APP: variants seen among roughly 807,000 people sequenced by gnomAD.
APP encodes the protein amyloid-beta precursor protein.
Under a neutral mutation model 101.4 loss-of-function variants are expected in APP, and 31 were observed. The ratio of observed to expected loss-of-function variants is 0.31; its 90% CI spans 0.23 to 0.41. APP has a LOEUF of 0.41. Among genes scored for constraint, APP ranks in the 10% least tolerant of loss-of-function variants. The pLI is 1.00. For synonymous variants in APP, 366 were observed against 364.4 expected (o/e 1.00, Z -0.05); for missense variants, 839 against 1,003.7 (o/e 0.84, Z 2.22).
At chr21:25,935,658 A>G (rs1449363189) in intron 13 of APP, among the ~76,000 whole-genome samples, 1 of 151,772 alleles carries the variant, frequency 6.6e-6, no homozygotes, top group Non-Finnish European at 1.5e-5. Flanking sequence ...CGATCAACAT[A>G]CTGAAACCCC....
intron 13 of APP, among the ~76,000 whole-genome samples, chr21:25,952,187 T>TACATAC (rs1187985574): frequency 2.7e-5 from 3 of 111,202 alleles, no homozygotes; most frequent in East Asian, 2.8e-4. Context: ...GCATATTACA[T>TACATAC]ACATACACAC....
intron 2 of APP, among the ~76,000 whole-genome samples, chr21:26,098,391 G>A (rs1015048856): frequency 2.0e-5 from 3 of 151,788 alleles, no homozygotes; most frequent in South Asian, 2.1e-4. Context: ...TGCTAAATAC[G>A]TAAAGCAAGA....
chr21:26,148,449 C>T (rs2146333002), intron 1 of APP, among the ~76,000 whole-genome samples: 1 of 152,272 alleles, frequency 6.6e-6, no homozygotes, highest in South Asian at 2.1e-4. Flanking sequence ...AGAGGAAGGT[C>T]AGATGGGGAG....
At chr21:25,970,795 A>AT (rs2042002824) in intron 11 of APP, among the ~76,000 whole-genome samples, 3 of 152,158 alleles carry the variant, frequency 2.0e-5, no homozygotes, top group Admixed American at 2.0e-4. Flanking sequence ...TCGGTAGAAC[A>AT]GGGTAAATAG....
At chr21:25,948,603 A>G (rs537708629) in intron 13 of APP, among the ~76,000 whole-genome samples, 1 of 152,304 alleles carries the variant, frequency 6.6e-6, no homozygotes, top group African/African-American at 2.4e-5. Flanking sequence ...TGAAACAATT[A>G]TGCCTTTGTT....
At chr21:26,072,937 G>A (rs745722688) in intron 3 of APP, among the ~76,000 whole-genome samples, 26 of 152,148 alleles carry the variant, frequency 1.7e-4, no homozygotes, top group Admixed American at 9.2e-4. Context: ...AACCTAAGAA[G>A]TCTGAATTTG....
intron 11 of APP, among the ~76,000 whole-genome samples, chr21:25,962,627 G>A (rs2041628916): frequency 6.6e-6 from 1 of 152,176 alleles, no homozygotes; most frequent in African/African-American, 2.4e-5. Context: ...ACTTTAGAAA[G>A]TAGTTTTAAC....
Position 25,983,852 on chromosome 21 carries a change from G to C in APP, c.1091-1375C>G, listed in dbSNP as rs549260025. Among the ~76,000 whole-genome samples, 271 of 152,202 alleles carry C rather than the reference G, an allele frequency of 1.8e-3. 1 individual carries two copies. The highest frequency in any genetic ancestry group is 2.2e-3 in the Non-Finnish European group (153 of 68,008). On this transcript the variant is annotated intron_variant, in intron 8 of 17. Coordinates refer to ENST00000346798, the MANE Select transcript of APP (RefSeq NM_000484.4). ...TGTTCCTTCTTACATTGGCAGCAAC[G>C]GGGGAAGGAAGGAAGGAAGGAAAGA... is the stretch of plus-strand genomic sequence containing the variant.
intron 5 of APP, among the ~76,000 whole-genome samples, chr21:26,049,319 T>A (rs1179380909): frequency 6.6e-6 from 1 of 151,882 alleles, no homozygotes; most frequent in East Asian, 1.9e-4. Context: ...CAGGAGAAAA[T>A]TCAATGGTTT....
chr21:25,973,804 T>A (rs2042123550), intron 11 of APP, among the ~76,000 whole-genome samples: 1 of 151,858 alleles, frequency 6.6e-6, no homozygotes, highest in Non-Finnish European at 1.5e-5. Context: ...TAGCTGGGTG[T>A]CGTGGCTCAC....
intron 17 of APP, among the ~76,000 whole-genome samples, chr21:25,883,986 C>T (rs760245046): frequency 2.3e-4 from 35 of 152,110 alleles, no homozygotes; most frequent in Admixed American, 6.5e-5. Flanking sequence ...TCAAGTGATT[C>T]TCCTGCCTCA....
intron 11 of APP, among the ~76,000 whole-genome samples, chr21:25,957,195 G>A (rs959984332): frequency 1.3e-5 from 2 of 152,156 alleles, no homozygotes; most frequent in Non-Finnish European, 2.9e-5. Flanking sequence ...GCTTGCAACA[G>A]TTCTTGGCAA....
At chr21:26,160,413 A>T (rs9983845) in intron 1 of APP, among the ~76,000 whole-genome samples, 3,066 of 152,288 alleles carry the variant, frequency 0.02, 115 homozygotes, top group African/African-American at 0.069. Flanking sequence ...AGAGGATTTA[A>T]CACTTGACAC....
intron 5 of APP, among the ~76,000 whole-genome samples, chr21:26,031,457 T>C (rs13050592): frequency 0.59 from 89,634 of 151,948 alleles, 27,780 homozygotes; most frequent in Middle Eastern, 0.73. Context: ...ATACCCAAGA[T>C]TGGGGAGAAA....
chr21:26,132,642 C>T (rs12482705), intron 1 of APP, among the ~76,000 whole-genome samples: 4,960 of 152,214 alleles, frequency 0.033, 133 homozygotes, highest in South Asian at 0.095. Flanking sequence ...ATATATGTAT[C>T]TCCATTAAGC....
At chr21:26,023,586 C>A (rs945227537) in intron 5 of APP, among the ~76,000 whole-genome samples, 2 of 151,604 alleles carry the variant, frequency 1.3e-5, no homozygotes, top group Non-Finnish European at 2.9e-5. Flanking sequence ...ACCTGTAGTT[C>A]CAGCTACTCA....
intron 13 of APP, among the ~76,000 whole-genome samples, chr21:25,947,930 G>C (rs558780051): frequency 6.6e-6 from 1 of 150,798 alleles, no homozygotes; most frequent in African/African-American, 2.4e-5. Flanking sequence ...ACTTGAACCC[G>C]GGAGGCGGAG....
chr21:26,069,150 C>A (rs914849614), intron 3 of APP, among the ~76,000 whole-genome samples: 1 of 152,114 alleles, frequency 6.6e-6, no homozygotes, highest in Non-Finnish European at 1.5e-5. Flanking sequence ...CCCCGTTGAT[C>A]GATTTCCCCA....
At chr21:26,048,098 C>T (rs1417927648) in intron 5 of APP, among the ~76,000 whole-genome samples, 5 of 151,576 alleles carry the variant, frequency 3.3e-5, no homozygotes, top group Admixed American at 6.6e-5. Context: ...TGGTGGATGA[C>T]GAGGTCAGGA....
Sources: gnomAD v4.1 joint callset for allele counts (sites outside exome capture counted in the v4.1 genomes callset) on GRCh38, gnomAD v4.1.1 for gene constraint, MANE v1.5 for transcripts, NCBI Gene and HGNC (gene_info 2026-07-23, HGNC 2026-07-21) for gene names.